ZNF480: variants seen among roughly 807,000 people sequenced by gnomAD.
ZNF480 encodes zinc finger protein 480.
A neutral mutation model predicts 14.4 loss-of-function variants in ZNF480; 15 were observed. The observed-to-expected ratio is 1.04, with a 90% CI of 0.70 to 1.60. ZNF480 has a LOEUF of 1.60. ZNF480 is among the 40% of genes most tolerant of loss of function. The probability of loss-of-function intolerance (pLI) is 0.00; values close to 1 mark genes in which losing one functional copy is unlikely to be tolerated. For missense variants in ZNF480, 593 were observed against 629.7 expected, an observed-to-expected ratio of 0.94 and a Z score of 0.62; for synonymous variants, 218 against 215.5, an observed-to-expected ratio of 1.01 and a Z score of -0.10.
chr19:52,298,495 T>G (rs952214686), intron 1 of ZNF480, among the ~76,000 whole-genome samples: 1 of 151,878 alleles, frequency 6.6e-6, no homozygotes, highest in Non-Finnish European at 1.5e-5. Context: ...TAGCCGGGCG[T>G]CAGCGCGCGC....
At chr19:52,301,653 G>A (rs1218110070) in intron 2 of ZNF480, 3 of 152,038 alleles carry the variant, frequency 2.0e-5, no homozygotes, top group Non-Finnish European at 2.9e-5. Context: ...AATTATTTAC[G>A]TAGTCTGCTC....
At chr19:52,306,192 C>A (rs1033801030) in intron 2 of ZNF480, among the ~76,000 whole-genome samples, 1 of 152,154 alleles carries the variant, frequency 6.6e-6, no homozygotes, top group Admixed American at 6.5e-5. Flanking sequence ...TTGGCATTGT[C>A]AAAAACTAAT....
At chr19:52,297,879 AAGAG>A (rs1982486177) in intron 1 of ZNF480, 2 of 152,432 alleles carry the variant, frequency 1.3e-5, no homozygotes, top group Admixed American at 6.6e-5. Context: ...TGTGTGCAGA[AAGAG>A]AGACGGAGAG....
At chr19:52,320,637 C>T (rs1983766446) in intron 4 of ZNF480, among the ~76,000 whole-genome samples, 1 of 152,078 alleles carries the variant, frequency 6.6e-6, no homozygotes, top group South Asian at 2.1e-4. Context: ...ACTAAAAATA[C>T]AAAAATTAGC....
At chr19:52,299,365 G>A (rs896458605) in intron 1 of ZNF480, among the ~76,000 whole-genome samples, 1 of 152,170 alleles carries the variant, frequency 6.6e-6, no homozygotes, top group African/African-American at 2.4e-5. Flanking sequence ...TTTCAGTCAA[G>A]TTGACACTGT....
At chr19:52,310,013 ATT>A (rs562975648) in intron 2 of ZNF480, among the ~76,000 whole-genome samples, 3 of 150,656 alleles carry the variant, frequency 2.0e-5, no homozygotes, top group Admixed American at 2.0e-4. Flanking sequence ...TTTTCAATAT[ATT>A]TTTTTCTTTT....
chr19:52,313,157 A>T (rs1983374249), intron 2 of ZNF480, among the ~76,000 whole-genome samples: 1 of 125,472 alleles, frequency 8.0e-6, no homozygotes, highest in Admixed American at 9.0e-5. Context: ...TTTTTGTGAG[A>T]TGAAGTCTCA....
intron 1 of ZNF480, 29 bp from the exon 2 acceptor site, chr19:52,300,365 G>C: frequency 6.2e-7 from 1 of 1,607,246 alleles, no homozygotes; most frequent in South Asian, 1.1e-5. Flanking sequence ...TTGATTCTAA[G>C]CCCTAAACAG....
chr19:52,310,099 A>T (rs1983196930), intron 2 of ZNF480, among the ~76,000 whole-genome samples: 1 of 151,610 alleles, frequency 6.6e-6, no homozygotes, highest in Non-Finnish European at 1.5e-5. Context: ...TCTGTCACCC[A>T]GGCTGGGGTG....
chr19:52,307,501 C>G (rs922940840), intron 2 of ZNF480: 4 of 152,230 alleles, frequency 2.6e-5, no homozygotes, highest in Non-Finnish European at 4.4e-5. Flanking sequence ...TTAGGCGCCA[C>G]TTGCTCAGAC....
intron 2 of ZNF480, chr19:52,300,830 T>A (rs1982657440): frequency 6.7e-6 from 2 of 296,848 alleles, no homozygotes; most frequent in Non-Finnish European, 1.3e-5. Context: ...AAGCATTCCT[T>A]ATGGGAAACA....
intron 2 of ZNF480, chr19:52,307,517 C>T (rs986306459): frequency 5.9e-5 from 9 of 152,194 alleles, no homozygotes; most frequent in Admixed American, 1.3e-4. Context: ...CAGACCAGCT[C>T]GGTCGTGGGG....
chr19:52,312,897 C>T (rs879386859), intron 2 of ZNF480, among the ~76,000 whole-genome samples: 5 of 151,764 alleles, frequency 3.3e-5, no homozygotes, highest in African/African-American at 4.8e-5. Flanking sequence ...GTTGGCTCAT[C>T]GCAGCTTCTG....
At chr19:52,297,812 C>T (rs751830955) in intron 1 of ZNF480, 1 of 152,500 alleles carries the variant, frequency 6.6e-6, no homozygotes, top group Non-Finnish European at 1.5e-5. Context: ...CCAAATAACA[C>T]CCCACTGAAA....
intron 2 of ZNF480, chr19:52,300,922 G>C (rs1272237054): frequency 5.2e-6 from 1 of 194,116 alleles, no homozygotes; most frequent in African/African-American, 2.3e-5. Context: ...GGCCACTCAT[G>C]CTATTGTTTG....
intron 2 of ZNF480, among the ~76,000 whole-genome samples, chr19:52,307,144 G>A (rs755162594): frequency 3.3e-5 from 5 of 152,122 alleles, no homozygotes; most frequent in African/African-American, 9.7e-5. Context: ...TATCCTCAGC[G>A]CCATCCTTAT....
chr19:52,319,714 T>C (rs1007397089), intron 4 of ZNF480, among the ~76,000 whole-genome samples: 3 of 151,384 alleles, frequency 2.0e-5, no homozygotes, highest in African/African-American at 7.3e-5. Flanking sequence ...TCTAATAATT[T>C]GTATGTTGTT....
At chr19:52,298,796 T>C (rs1982543407) in intron 1 of ZNF480, among the ~76,000 whole-genome samples, 2 of 149,306 alleles carry the variant, frequency 1.3e-5, no homozygotes, top group Non-Finnish European at 3.0e-5. Context: ...AGAGAGGGGC[T>C]CAAAATGAGC....
intron 4 of ZNF480, among the ~76,000 whole-genome samples, chr19:52,318,477 T>C (rs1600220845): frequency 6.6e-6 from 1 of 152,156 alleles, no homozygotes; most frequent in African/African-American, 2.4e-5. Context: ...ATATGGTAGG[T>C]TTTCTTTACA....
Sources: allele counts gnomAD v4.1 joint callset (sites outside exome capture counted in the v4.1 genomes callset), GRCh38; gene constraint gnomAD v4.1.1; transcripts MANE v1.5; gene names NCBI Gene and HGNC (gene_info 2026-07-23, HGNC 2026-07-21).